ZMAT4: variants seen among roughly 807,000 people sequenced by gnomAD.
The protein encoded by ZMAT4 is zinc finger matrin-type 4.
A neutral mutation model predicts 28.7 loss-of-function variants in ZMAT4; 17 were observed. The observed-to-expected ratio is 0.59, with a 90% CI of 0.41 to 0.89. ZMAT4 has a LOEUF of 0.89. Ranked by LOEUF, ZMAT4 falls within the 40% of genes least tolerant of loss-of-function variation. The pLI, the probability that ZMAT4 is intolerant of heterozygous loss-of-function variation, is 0.00. For missense variants in ZMAT4, 240 were observed against 283.8 expected (o/e 0.85, Z 1.11); for synonymous variants, 117 against 109.2 (o/e 1.07, Z -0.44).
intron 5 of ZMAT4, among the ~76,000 whole-genome samples, chr8:40,599,191 C>G (rs1054042047): frequency 7.2e-5 from 11 of 152,244 alleles, no homozygotes; most frequent in Admixed American, 6.5e-4. Flanking sequence ...ACACTCTGCC[C>G]TCCTATACTA....
At chr8:40,757,680 T>G (rs1812752937) in intron 3 of ZMAT4, among the ~76,000 whole-genome samples, 2 of 152,290 alleles carry the variant, frequency 1.3e-5, no homozygotes, top group South Asian at 2.1e-4. Flanking sequence ...TATTTATGTA[T>G]CCATCAAATA....
intron 6 of ZMAT4, among the ~76,000 whole-genome samples, chr8:40,552,476 C>A (rs1803395721): frequency 6.6e-6 from 1 of 152,172 alleles, no homozygotes; most frequent in African/African-American, 2.4e-5. Flanking sequence ...CTGTGTACTG[C>A]AAAGGACTGG....
chr8:40,860,735 C>T (rs1419941790), intron 1 of ZMAT4, among the ~76,000 whole-genome samples: 6 of 152,320 alleles, frequency 3.9e-5, no homozygotes, highest in East Asian at 3.9e-4. Flanking sequence ...TGTTCATGAG[C>T]GACCCCTTGT....
intron 5 of ZMAT4, among the ~76,000 whole-genome samples, chr8:40,620,562 T>A (rs1383833534): frequency 6.6e-6 from 1 of 152,224 alleles, no homozygotes; most frequent in Non-Finnish European, 1.5e-5. Flanking sequence ...GAGACCATTG[T>A]CAGATTTTGA....
At chr8:40,615,186 G>A (rs1181899196) in intron 5 of ZMAT4, among the ~76,000 whole-genome samples, 3 of 152,014 alleles carry the variant, frequency 2.0e-5, no homozygotes, top group Admixed American at 1.3e-4. Context: ...CACTTATGAA[G>A]CTTAGTTTGG....
intron 6 of ZMAT4, among the ~76,000 whole-genome samples, chr8:40,565,489 G>T (rs1036721608): frequency 2.5e-4 from 37 of 146,418 alleles, no homozygotes; most frequent in African/African-American, 9.4e-4. Flanking sequence ...CAATTCTCCT[G>T]CCTAAGGCTC....
chr8:40,851,609 C>G (rs1438297490), intron 1 of ZMAT4, among the ~76,000 whole-genome samples: 1 of 152,114 alleles, frequency 6.6e-6, no homozygotes, highest in Admixed American at 6.6e-5. Context: ...TTTTAATTGA[C>G]ACATAATAAT....
At chr8:40,662,847 AAC>A in intron 5 of ZMAT4, among the ~76,000 whole-genome samples, 1 of 152,156 alleles carries the variant, frequency 6.6e-6, no homozygotes, top group Non-Finnish European at 1.5e-5. Context: ...TCATTTTGCT[AAC>A]TGGGAGAGCA....
chr8:40,576,587 A>T (rs13277202), intron 6 of ZMAT4, among the ~76,000 whole-genome samples: 1 of 151,750 alleles, frequency 6.6e-6, no homozygotes. Context: ...GCTATTCTTC[A>T]GAAATGAAGT....
At chr8:40,764,729 T>C (rs1813078255) in intron 3 of ZMAT4, among the ~76,000 whole-genome samples, 2 of 152,134 alleles carry the variant, frequency 1.3e-5, no homozygotes, top group South Asian at 4.1e-4. Flanking sequence ...GGAGAGAGTA[T>C]CAGTAATAAT....
At chr8:40,720,756 C>A (rs1317969318) in intron 3 of ZMAT4, among the ~76,000 whole-genome samples, 1 of 151,886 alleles carries the variant, frequency 6.6e-6, no homozygotes, top group Non-Finnish European at 1.5e-5. Flanking sequence ...GAACTCCTGA[C>A]CTCAAGTAAT....
intron 6 of ZMAT4, among the ~76,000 whole-genome samples, chr8:40,557,093 T>C (rs1464300671): frequency 1.3e-5 from 2 of 152,244 alleles, no homozygotes; most frequent in Admixed American, 1.3e-4. Flanking sequence ...GAGGCATCAG[T>C]ATTTCTGTGC....
intron 6 of ZMAT4, among the ~76,000 whole-genome samples, chr8:40,574,894 T>C (rs909324886): frequency 6.6e-6 from 1 of 152,172 alleles, no homozygotes; most frequent in Non-Finnish European, 1.5e-5. Flanking sequence ...TGTGGCTACA[T>C]TACTCCAAAA....
At chr8:40,723,455 ATCGCTTAAAC>A (rs572350962) in intron 3 of ZMAT4, among the ~76,000 whole-genome samples, 1 of 145,606 alleles carries the variant, frequency 6.9e-6, no homozygotes, top group East Asian at 2.1e-4. Flanking sequence ...AGGCAGGAGA[ATCGCTTAAAC>A]CCCAGAAACA....
intron 1 of ZMAT4, among the ~76,000 whole-genome samples, chr8:40,875,670 G>A (rs990523292): frequency 2.6e-5 from 4 of 152,054 alleles, no homozygotes; most frequent in Admixed American, 1.3e-4. Flanking sequence ...CCAGGGCACC[G>A]CCAAGCCCAG....
chr8:40,756,426 T>TATATATATATATATATATATATATA (rs1812683324), intron 3 of ZMAT4, among the ~76,000 whole-genome samples: 4 of 73,276 alleles, frequency 5.5e-5, no homozygotes, highest in Non-Finnish European at 9.6e-5. Flanking sequence ...AAATGTTCTT[T>TATATATATATATATATATATATATA]TATATATATA....
intron 1 of ZMAT4, among the ~76,000 whole-genome samples, chr8:40,846,598 G>A (rs144181701): frequency 1.6e-3 from 239 of 152,262 alleles, no homozygotes; most frequent in African/African-American, 5.3e-3. Flanking sequence ...CGGCAGCGTC[G>A]TTCCACCTCA....
intron 3 of ZMAT4, among the ~76,000 whole-genome samples, chr8:40,736,615 A>C (rs1811772440): frequency 6.6e-6 from 1 of 152,252 alleles, no homozygotes; most frequent in African/African-American, 2.4e-5. Context: ...AAATTCTTGG[A>C]AGCATTGCAC....
intron 5 of ZMAT4, among the ~76,000 whole-genome samples, chr8:40,583,095 G>A (rs986330915): frequency 2.0e-5 from 3 of 152,178 alleles, no homozygotes; most frequent in African/African-American, 7.2e-5. Context: ...TGAGTTCCAT[G>A]TGGGACCGTG....
Sources: allele counts gnomAD v4.1 joint callset (sites outside exome capture counted in the v4.1 genomes callset), GRCh38; gene constraint gnomAD v4.1.1; transcripts MANE v1.5; gene names NCBI Gene and HGNC (gene_info 2026-07-23, HGNC 2026-07-21).